The following CHODL variants were observed in gnomAD, a reference collection of about 807,000 sequenced individuals.
CHODL encodes the protein transmembrane protein MT75.
In CHODL, 29 loss-of-function variants were observed where a neutral mutation model predicts 34.5. That is an observed-to-expected ratio of 0.84 (90% CI 0.63 to 1.15). The LOEUF (loss-of-function observed/expected upper bound fraction) is 1.15, where lower values mean the gene tolerates loss of function less well. CHODL is among the 50% of genes most tolerant of loss of function. The pLI is 0.00. For synonymous variants in CHODL, 125 were observed against 116.1 expected, an observed-to-expected ratio of 1.08 and a Z score of -0.49; for missense variants, 332 against 332.5, an observed-to-expected ratio of 1.00 and a Z score of 0.01.
intron 2 of CHODL, among the ~76,000 whole-genome samples, chr21:18,177,365 G>T (rs2073328817): frequency 6.6e-6 from 1 of 152,000 alleles, no homozygotes; most frequent in African/African-American, 2.4e-5. Flanking sequence ...AAATAATCCA[G>T]TTTCTTCTTA....
At position 18,068,168 on chromosome 21, in the gene CHODL, C is replaced by T. The variant is rs2064753524; in HGVS notation, c.-45+40197C>T. ...TTCTCTTCAAACATAAACTTCTATT[C>T]AAGAGCAAACTTCTTTATTCATTTT... is the stretch of plus-strand genomic sequence containing the variant. On this transcript the variant is annotated intron_variant, in intron 2 of 6. Transcript: ENST00000400127. 2.0e-5 allele frequency among the ~76,000 whole-genome samples: 3 copies of T among 151,882 alleles called. No individual in the cohort carries two copies. In the South Asian group the frequency reaches 6.2e-4, roughly 32 times the overall value.
At chr21:18,247,551 G>A (rs968598989) in intron 1 of CHODL, among the ~76,000 whole-genome samples, 1 of 151,972 alleles carries the variant, frequency 6.6e-6, no homozygotes, top group Non-Finnish European at 1.5e-5. Context: ...ATATATTTTA[G>A]CAAGAAATGA....
At chr21:18,134,546 C>T (rs764856932) in intron 2 of CHODL, among the ~76,000 whole-genome samples, 2 of 152,112 alleles carry the variant, frequency 1.3e-5, no homozygotes, top group East Asian at 1.9e-4. Flanking sequence ...AATGTTAGTA[C>T]GTGGGCTGAG....
intron 2 of CHODL, among the ~76,000 whole-genome samples, chr21:18,147,656 GC>G (rs778950994): frequency 1.7e-4 from 26 of 152,192 alleles, no homozygotes; most frequent in Non-Finnish European, 3.4e-4. Flanking sequence ...AATATTTTAG[GC>G]TTTGTAGGCA....
intron 2 of CHODL, among the ~76,000 whole-genome samples, chr21:18,046,910 C>T (rs1049106711): frequency 4.6e-5 from 7 of 151,874 alleles, no homozygotes; most frequent in African/African-American, 1.4e-4. Flanking sequence ...TTCCATAAGC[C>T]AAGCTAATTT....
intron 2 of CHODL, among the ~76,000 whole-genome samples, chr21:18,141,011 A>G (rs1407111580): frequency 6.6e-6 from 1 of 152,134 alleles, no homozygotes; most frequent in African/African-American, 2.4e-5. Context: ...CAATAAGTAG[A>G]ATTCTTTTTA....
At chr21:17,978,421 C>CA (rs914459888) in intron 1 of CHODL, among the ~76,000 whole-genome samples, 6,543 of 73,130 alleles carry the variant, frequency 0.089, 261 homozygotes, top group Middle Eastern at 0.16. Context: ...GACTCCGTAT[C>CA]AAAAAAAAAA....
rs188651477 is a variant in CHODL, at chr21:17,992,957, G to T, written c.-144-34915G>T. ...TGTGAGCCACGGCGCCCGGCCGAGG[G>T]TTTTTATTTGTATATAAAATCATGT... On this transcript the variant is annotated intron_variant, in intron 1 of 6. Transcript: ENST00000400127. Among the ~76,000 whole-genome samples, 852 of 151,990 alleles carry T rather than the reference G, an allele frequency of 5.6e-3. 4 individuals are homozygous for T. Among genetic ancestry groups the T allele is most frequent in the Middle Eastern group, 0.014 (4 of 294 alleles).
chr21:18,236,659 T>C (rs1231608311), intron 2 of CHODL, among the ~76,000 whole-genome samples: 2 of 152,082 alleles, frequency 1.3e-5, no homozygotes, highest in African/African-American at 4.8e-5. Context: ...GAGCAGGCAG[T>C]TTCATAATTC....
intron 1 of CHODL, among the ~76,000 whole-genome samples, chr21:17,923,974 G>A (rs2063203877): frequency 6.6e-6 from 1 of 152,172 alleles, no homozygotes; most frequent in Non-Finnish European, 1.5e-5. Flanking sequence ...TTGTTGACAT[G>A]CTGTTCTTCC....
chr21:17,929,536 G>A (rs978925400), intron 1 of CHODL, among the ~76,000 whole-genome samples: 4 of 152,232 alleles, frequency 2.6e-5, no homozygotes, highest in African/African-American at 9.6e-5. Context: ...GCAAAGAAAG[G>A]TGAAGCCATG....
At chr21:18,138,280 T>G (rs1477833875) in intron 2 of CHODL, among the ~76,000 whole-genome samples, 1 of 152,070 alleles carries the variant, frequency 6.6e-6, no homozygotes. Flanking sequence ...AAGCCAAAAT[T>G]GGGGAAAATT....
At chr21:18,101,577 C>CA (rs1484384515) in intron 2 of CHODL, among the ~76,000 whole-genome samples, 3 of 151,788 alleles carry the variant, frequency 2.0e-5, no homozygotes, top group African/African-American at 7.3e-5. Flanking sequence ...TTGAGACAGT[C>CA]AAAAAAGATG....
Position 18,266,180 on chromosome 21 carries a change from T to A in CHODL, c.*142T>A. ...CTCCCCCTTGAGGCAAATATTAAAG[T>A]AATTTTTATATGTCTATTATTTCAT... is the stretch of plus-strand genomic sequence containing the variant. On this transcript the variant is annotated 3_prime_UTR_variant, in exon 6 of 6. Transcript: ENST00000299295. The A allele has an allele frequency of 6.5e-7, 1 of 1,548,300 alleles. No homozygotes were observed. Among genetic ancestry groups the A allele is most frequent in the Admixed American group, 2.0e-5 (1 of 50,776 alleles).
At chr21:18,102,142 C>G (rs2065222932) in intron 2 of CHODL, among the ~76,000 whole-genome samples, 2 of 152,144 alleles carry the variant, frequency 1.3e-5, no homozygotes, top group African/African-American at 4.8e-5. Context: ...TCATCCTATT[C>G]TATATCCATA....
At chr21:18,264,535 G>A (rs763183739) in intron 5 of CHODL, among the ~76,000 whole-genome samples, 52 of 150,644 alleles carry the variant, frequency 3.5e-4, no homozygotes, top group Middle Eastern at 3.4e-3. Flanking sequence ...CGGGGAGGCG[G>A]AGGTTGCAGT....
chr21:18,162,868 T>G (rs1165804012), intron 2 of CHODL, among the ~76,000 whole-genome samples: 2 of 152,204 alleles, frequency 1.3e-5, no homozygotes, highest in Non-Finnish European at 2.9e-5. Context: ...CTGAAACTCC[T>G]GGGCTCAAGA....
intron 2 of CHODL, among the ~76,000 whole-genome samples, chr21:18,205,737 C>T (rs2073704212): frequency 7.9e-6 from 1 of 127,174 alleles, no homozygotes; most frequent in Non-Finnish European, 1.7e-5. Flanking sequence ...AAGGAGTATA[C>T]TTTTTTTTTT....
At chr21:18,050,431 G>A (rs2064499453) in intron 2 of CHODL, among the ~76,000 whole-genome samples, 2 of 151,988 alleles carry the variant, frequency 1.3e-5, no homozygotes, top group Admixed American at 1.3e-4. Context: ...CTGTAGCTTG[G>A]AAGGGACAGA....
Sources: gnomAD v4.1 joint callset for allele counts (sites outside exome capture counted in the v4.1 genomes callset) on GRCh38, gnomAD v4.1.1 for gene constraint, MANE v1.5 for transcripts, NCBI Gene and HGNC (gene_info 2026-07-23, HGNC 2026-07-21) for gene names.